Variants in PPP4R3B observed in about 807,000 individuals in gnomAD.
The protein encoded by PPP4R3B is protein phosphatase 4 regulatory subunit 3B, also known as serine/threonine-protein phosphatase 4 regulatory subunit 3B.
PPP4R3B carries 52 observed loss-of-function variants against 95.4 expected under a neutral mutation model. The observed-to-expected ratio is 0.54, with a 90% confidence interval of 0.44 to 0.69. The LOEUF (loss-of-function observed/expected upper bound fraction) is 0.69. PPP4R3B is among the 30% of genes least tolerant of loss of function. The pLI is 0.00. For missense variants in PPP4R3B, 1,003 were observed against 1,005.9 expected, an observed-to-expected ratio of 1.00 and a Z score of 0.04; for synonymous variants, 407 against 343.9, an observed-to-expected ratio of 1.18 and a Z score of -2.03.
chr2:55,557,922 C>T (rs996580259), intron 16 of PPP4R3B, among the ~76,000 whole-genome samples: 2 of 152,106 alleles, frequency 1.3e-5, no homozygotes, highest in Admixed American at 6.6e-5. Flanking sequence ...ATAAGAACAA[C>T]AGAAAGTCTA....
At chr2:55,564,253 C>A in intron 15 of PPP4R3B, 60 bp downstream of exon 15, 1 of 1,408,764 alleles carries the variant, frequency 7.1e-7, no homozygotes. Flanking sequence ...CACAAAGCAA[C>A]AAAATAATTT....
intron 15 of PPP4R3B, among the ~76,000 whole-genome samples, chr2:55,563,391 T>C (rs562317120): frequency 1.3e-5 from 2 of 152,352 alleles, no homozygotes; most frequent in African/African-American, 4.8e-5. Flanking sequence ...TCTTTTGTTT[T>C]TGAGATAAGG....
intron 7 of PPP4R3B, among the ~76,000 whole-genome samples, chr2:55,583,724 G>A (rs1294412937): frequency 6.6e-6 from 1 of 152,158 alleles, no homozygotes; most frequent in Non-Finnish European, 1.5e-5. Context: ...ATTTGACATT[G>A]CAGCATTAGC....
chr2:55,550,198 C>A (rs377174063), intron 16 of PPP4R3B, among the ~76,000 whole-genome samples, 192 bp from the exon 17 acceptor site: 37 of 152,144 alleles, frequency 2.4e-4, no homozygotes, highest in African/African-American at 8.4e-4. Context: ...CTTGCAGTAA[C>A]CCTTAACTTT....
At chr2:55,615,342 T>TTG (rs1694743063) in intron 2 of PPP4R3B, 109 bp downstream of exon 2, 7 of 861,268 alleles carry the variant, frequency 8.1e-6, no homozygotes, top group Non-Finnish European at 1.3e-5. Flanking sequence ...TGATCTTTGT[T>TTG]TACCAAACAT....
At chr2:55,552,290 T>G (rs1334724330) in intron 16 of PPP4R3B, among the ~76,000 whole-genome samples, 1 of 151,386 alleles carries the variant, frequency 6.6e-6, no homozygotes, top group African/African-American at 2.4e-5. Flanking sequence ...AATAGCAGAT[T>G]GAAATTATAT....
chr2:55,580,857 C>A (rs530336143), intron 8 of PPP4R3B, among the ~76,000 whole-genome samples: 1 of 152,184 alleles, frequency 6.6e-6, no homozygotes, highest in East Asian at 1.9e-4. Context: ...AGGACTTAAT[C>A]CTTAAATCTT....
chr2:55,599,852 T>C (rs139015003), intron 3 of PPP4R3B, among the ~76,000 whole-genome samples: 1 of 152,352 alleles, frequency 6.6e-6, no homozygotes, highest in Non-Finnish European at 1.5e-5. Flanking sequence ...AGCCCATCAG[T>C]ACTCAACTTC....
At chr2:55,602,640 T>G (rs1488011246) in intron 3 of PPP4R3B, among the ~76,000 whole-genome samples, 1 of 152,200 alleles carries the variant, frequency 6.6e-6, no homozygotes, top group East Asian at 1.9e-4. Flanking sequence ...CTTAACTAGT[T>G]GGCAATACTG....
At chr2:55,584,297 A>C (rs529223020) in intron 7 of PPP4R3B, among the ~76,000 whole-genome samples, 1 of 152,168 alleles carries the variant, frequency 6.6e-6, no homozygotes, top group Non-Finnish European at 1.5e-5. Flanking sequence ...TAAATATATC[A>C]GTAGTGGGAA....
intron 11 of PPP4R3B, 57 bp downstream of exon 11, chr2:55,577,258 A>G: frequency 6.6e-7 from 1 of 1,507,514 alleles, no homozygotes; most frequent in Non-Finnish European, 8.8e-7. Flanking sequence ...CATTACACTT[A>G]GAGTAGAAAA....
intron 5 of PPP4R3B, 66 bp from the exon 6 acceptor site, chr2:55,586,800 T>C: frequency 1.1e-6 from 1 of 921,714 alleles, no homozygotes. Context: ...ATAGTAATCA[T>C]CTACCATGGT....
chr2:55,604,625 C>G (rs1383312461), intron 2 of PPP4R3B, among the ~76,000 whole-genome samples: 2 of 152,028 alleles, frequency 1.3e-5, no homozygotes, highest in Non-Finnish European at 2.9e-5. Flanking sequence ...ACCAACAGCA[C>G]CCAGTTCAGT....
Position 55,615,857 on chromosome 2 carries a change from C to CAAAAAAAAAAAAAAAAAAA in PPP4R3B, c.143-370_143-352dup, listed in dbSNP as rs58981030. ...TGGCAACAGAGCAAGACTCTGTCTC[C>CAAAAAAAAAAAAAAAAAAA]AAAAAAAAAAAAAAAAAAAAAAAAA... On this transcript the variant is annotated intron_variant, in intron 1 of 16. Coordinates refer to ENST00000616407, the MANE Select transcript of PPP4R3B (RefSeq NM_001122964.3). Among the ~76,000 whole-genome samples, 8 of 39,064 alleles carry CAAAAAAAAAAAAAAAAAAA rather than the reference C, an allele frequency of 2.0e-4. 2 individuals carry two copies. The highest frequency in any genetic ancestry group is 1.3e-3 in the African/African-American group (7 of 5,530). The allele number at this position is 39,064 out of a possible 152,430, so 25.6% of individuals were successfully genotyped here.
chr2:55,552,340 C>T (rs13016772), intron 16 of PPP4R3B, among the ~76,000 whole-genome samples: 106,092 of 151,830 alleles, frequency 0.7, 37,939 homozygotes, highest in Non-Finnish European at 0.77. Flanking sequence ...AAAAAGCTTT[C>T]GATGTCAGTA....
chr2:55,557,080 C>T (rs771543722), intron 16 of PPP4R3B, among the ~76,000 whole-genome samples: 1 of 151,968 alleles, frequency 6.6e-6, no homozygotes, highest in Non-Finnish European at 1.5e-5. Context: ...ACGACGACGA[C>T]GACGAAGCAG....
At chr2:55,593,066 G>C (rs576443528) in intron 4 of PPP4R3B, among the ~76,000 whole-genome samples, 1 of 152,276 alleles carries the variant, frequency 6.6e-6, no homozygotes, top group South Asian at 2.1e-4. Context: ...GCTGAGGCTT[G>C]AGAATCACTT....
At chr2:55,565,141 G>A (rs1687122664) in intron 13 of PPP4R3B, 100 bp from the exon 14 acceptor site, 1 of 962,512 alleles carries the variant, frequency 1.0e-6, no homozygotes, top group Non-Finnish European at 1.4e-6. Context: ...ATCAAAAAAG[G>A]TTTTTCAAAA....
chr2:55,550,872 G>T (rs1050853510), intron 16 of PPP4R3B, among the ~76,000 whole-genome samples: 1 of 152,020 alleles, frequency 6.6e-6, no homozygotes, highest in Non-Finnish European at 1.5e-5. Context: ...AAAGGCCTCT[G>T]GGCAGCTAGA....
Sources: gnomAD v4.1 joint callset for allele counts (sites outside exome capture counted in the v4.1 genomes callset) on GRCh38, gnomAD v4.1.1 for gene constraint, MANE v1.5 for transcripts, NCBI Gene and HGNC (gene_info 2026-07-23, HGNC 2026-07-21) for gene names.